The following SULF1 variants were observed in gnomAD, a reference collection of about 807,000 sequenced individuals.
SULF1 encodes extracellular sulfatase Sulf-1.
SULF1 carries 46 observed loss-of-function variants against 110.5 expected under a neutral mutation model. The observed-to-expected ratio is 0.42, with a 90% CI of 0.33 to 0.53. SULF1 has a LOEUF of 0.53. Ranked by LOEUF, SULF1 falls within the 20% of genes least tolerant of loss-of-function variation. SULF1 has a pLI of 0.12. For synonymous variants in SULF1, 371 were observed against 387.1 expected (o/e 0.96, Z 0.49); for missense variants, 941 against 1,094.2 (o/e 0.86, Z 1.98).
chr8:69,641,649 C>T (rs950338412), intron 22 of SULF1, among the ~76,000 whole-genome samples: 1 of 152,068 alleles, frequency 6.6e-6, no homozygotes, highest in African/African-American at 2.4e-5. Context: ...GAAGCTGAGG[C>T]AGGAGGATCG....
At chr8:69,575,424 G>A (rs769738346) in intron 5 of SULF1, among the ~76,000 whole-genome samples, 38 of 152,330 alleles carry the variant, frequency 2.5e-4, no homozygotes, top group Non-Finnish European at 4.7e-4. Flanking sequence ...GAGCTTGCTA[G>A]AGGATACCAA....
chr8:69,523,656 A>G (rs1812470585), intron 3 of SULF1, among the ~76,000 whole-genome samples: 1 of 152,082 alleles, frequency 6.6e-6, no homozygotes, highest in South Asian at 2.1e-4. Context: ...AGGACTGATG[A>G]TAATGACTGT....
upstream of SULF1, among the ~76,000 whole-genome samples, chr8:69,488,354 T>C (rs537362554): frequency 7.9e-5 from 12 of 152,340 alleles, no homozygotes; most frequent in Non-Finnish European, 1.6e-4. Flanking sequence ...TTTTGTCCCT[T>C]TGCCTCTAGG....
At chr8:69,620,029 C>T (rs758003111) in intron 13 of SULF1, among the ~76,000 whole-genome samples, 9 of 152,114 alleles carry the variant, frequency 5.9e-5, no homozygotes, top group Non-Finnish European at 1.2e-4. Flanking sequence ...CACACACGGG[C>T]TTGAAGGATG....
In SULF1 at chr8:69,629,815, G is replaced by A. The variant is rs1049002108; in HGVS notation, c.2284+136G>A. Reference sequence around the variant, plus strand: ...AGGCATCATATTCTACTCTATACTGGAAACTCAAATGATTTTGCCATGTAT... The same window carrying A: ...AGGCATCATATTCTACTCTATACTGAAAACTCAAATGATTTTGCCATGTAT... On this transcript the variant is annotated intron_variant, in intron 19 of 22. Coordinates refer to ENST00000402687, the MANE Select transcript of SULF1 (RefSeq NM_001128205.2). The A allele has an allele frequency of 6.4e-6, 5 of 782,464 alleles. No homozygotes were observed. The Admixed American group carries it at 1.4e-4, about 21-fold the overall frequency. The allele number at this position is 782,464 out of a possible 1,614,324, so 48.5% of individuals were successfully genotyped here. A position where few individuals can be genotyped will look rare whatever the true frequency, so the allele number is the denominator to read the frequency against.
chr8:69,522,014 C>CAG (rs1166646463), intron 3 of SULF1, among the ~76,000 whole-genome samples: 2 of 149,710 alleles, frequency 1.3e-5, no homozygotes, highest in African/African-American at 2.4e-5. Flanking sequence ...GAAAGGAAGA[C>CAG]AGAGAGAGAG....
At chr8:69,599,928 G>T (rs1199600623) in intron 8 of SULF1, among the ~76,000 whole-genome samples, 1 of 152,110 alleles carries the variant, frequency 6.6e-6, no homozygotes, top group Non-Finnish European at 1.5e-5. Flanking sequence ...GGAACAATAG[G>T]ACAATATCCT....
At chr8:69,605,421 CTGTT>C (rs987395510) in intron 13 of SULF1, among the ~76,000 whole-genome samples, 1 of 152,136 alleles carries the variant, frequency 6.6e-6, no homozygotes, top group African/African-American at 2.4e-5. Flanking sequence ...AAACCATATT[CTGTT>C]TGTTTATTGT....
intron 3 of SULF1, among the ~76,000 whole-genome samples, chr8:69,532,612 G>T (rs530127780): frequency 6.6e-6 from 1 of 152,202 alleles, no homozygotes; most frequent in African/African-American, 2.4e-5. Flanking sequence ...GCAAGAGAAT[G>T]AAAAAGAATG....
chr8:69,502,560 A>G (rs906997748), intron 3 of SULF1, among the ~76,000 whole-genome samples: 1 of 152,032 alleles, frequency 6.6e-6, no homozygotes, highest in African/African-American at 2.4e-5. Context: ...GTCAACTTTG[A>G]GAGTTGCTCC....
At chr8:69,605,035 C>G in intron 13 of SULF1, 103 bp downstream of exon 13, 1 of 1,505,962 alleles carries the variant, frequency 6.6e-7, no homozygotes, top group African/African-American at 1.4e-5. Context: ...TATAAATAAG[C>G]TTTTCCTAGT....
At chr8:69,586,866 C>G (rs143854491) in intron 7 of SULF1, among the ~76,000 whole-genome samples, 1 of 152,320 alleles carries the variant, frequency 6.6e-6, no homozygotes, top group African/African-American at 2.4e-5. Flanking sequence ...TTACTTTTCA[C>G]TGGGACAAAA....
At chr8:69,565,148 G>A (rs987122794) in intron 5 of SULF1, among the ~76,000 whole-genome samples, 9 of 152,096 alleles carry the variant, frequency 5.9e-5, no homozygotes, top group Non-Finnish European at 1.2e-4. Context: ...AATTCCTTGG[G>A]TTCAGCTGGA....
intron 3 of SULF1, among the ~76,000 whole-genome samples, chr8:69,538,328 C>T (rs556400271): frequency 1.1e-4 from 16 of 139,734 alleles, no homozygotes; most frequent in African/African-American, 4.3e-4. Context: ...CTTCTCATCC[C>T]GTCCTTCTAT....
intron 8 of SULF1, among the ~76,000 whole-genome samples, chr8:69,599,565 G>A (rs971448104): frequency 6.6e-6 from 1 of 152,166 alleles, no homozygotes; most frequent in Admixed American, 6.5e-5. Flanking sequence ...AGACAATTAG[G>A]TGAGTTAATG....
intron 13 of SULF1, among the ~76,000 whole-genome samples, chr8:69,615,638 A>G (rs1360205076): frequency 6.6e-6 from 1 of 152,112 alleles, no homozygotes; most frequent in Non-Finnish European, 1.5e-5. Context: ...ATATATGCAT[A>G]TATGTATGTA....
chr8:69,654,827 C>T (rs1812597309), intron 22 of SULF1, among the ~76,000 whole-genome samples: 1 of 152,204 alleles, frequency 6.6e-6, no homozygotes, highest in Non-Finnish European at 1.5e-5. Context: ...AATGTTTTAA[C>T]TGCCCATTCC....
At chr8:69,585,441 C>T (rs1398000194) in intron 6 of SULF1, among the ~76,000 whole-genome samples, 1 of 152,118 alleles carries the variant, frequency 6.6e-6, no homozygotes, top group Non-Finnish European at 1.5e-5. Context: ...CAAGAATGAA[C>T]CCATATTGTT....
chr8:69,564,578 T>C (rs931693949), intron 5 of SULF1, among the ~76,000 whole-genome samples: 9 of 152,248 alleles, frequency 5.9e-5, no homozygotes, highest in African/African-American at 1.7e-4. Context: ...GGATTACTTA[T>C]TCACAGTTTG....
Sources: gnomAD v4.1 joint callset for allele counts (sites outside exome capture counted in the v4.1 genomes callset) on GRCh38, gnomAD v4.1.1 for gene constraint, MANE v1.5 for transcripts, NCBI Gene and HGNC (gene_info 2026-07-23, HGNC 2026-07-21) for gene names.